WWOX: variants seen among roughly 807,000 people sequenced by gnomAD.
The protein encoded by WWOX is WW domain containing oxidoreductase.
A neutral mutation model predicts 46.2 loss-of-function variants in WWOX; 69 were observed. That is an observed-to-expected ratio of 1.49 (90% CI 1.23 to 1.82). The LOEUF is 1.82. WWOX is among the 40% of genes most tolerant of loss of function. WWOX has a pLI of 0.00. For missense variants in WWOX, 919 were observed against 542.6 expected (o/e 1.69, Z -6.89); for synonymous variants, 359 against 202.6 (o/e 1.77, Z -6.56).
chr16:78,797,721 G>C (rs7404119), intron 8 of WWOX, among the ~76,000 whole-genome samples: 143,194 of 152,306 alleles, frequency 0.94, 67,487 homozygotes, highest in Non-Finnish European at 0.98. Flanking sequence ...GGTGCGTTAG[G>C]TCATGCCTGT....
At chr16:78,912,565 G>A (rs1374548824) in intron 8 of WWOX, among the ~76,000 whole-genome samples, 1 of 151,950 alleles carries the variant, frequency 6.6e-6, no homozygotes, top group Non-Finnish European at 1.5e-5. Flanking sequence ...AAAACCAGCA[G>A]GGTTATATCC....
chr16:78,178,636 C>T lies in WWOX; in HGVS notation c.516+14347C>T, dbSNP rs1014436782. Among the ~76,000 whole-genome samples, 6 of 152,238 alleles carry T rather than the reference C, an allele frequency of 3.9e-5. No individual in the cohort carries two copies. In the East Asian group the frequency reaches 5.8e-4, roughly 15 times the overall value. ...ATCCCAGCACTTTGGGAGGCCGAGG[C>T]GGGTGGATCACTTGAGGTTAGGAGT... On this transcript the variant is annotated intron_variant, in intron 5 of 8. Transcript: ENST00000566780.
Position 79,212,156 on chromosome 16 carries a change from TACCACCACGGCC to T in WWOX, c.*366_*377del. On this transcript the variant is annotated 3_prime_UTR_variant, in exon 9 of 9. Coordinates refer to ENST00000566780, the MANE Select transcript of WWOX (RefSeq NM_016373.4). ...CTGAGGTCCCCTCGTCCCATCCAGC[TACCACCACGGCC>T]ACCACTGCAGCCGGGGGCTGGCCTT... The T allele has an allele frequency of 2.0e-6, 3 of 1,504,358 alleles. No individual in the cohort carries two copies. Among genetic ancestry groups the T allele is most frequent in the Non-Finnish European group, 2.7e-6 (3 of 1,131,488 alleles). 93.2% of individuals were successfully genotyped at this position (1,504,358 alleles called of 1,614,324 possible).
intron 8 of WWOX, among the ~76,000 whole-genome samples, chr16:79,089,344 T>G (rs1215017608): frequency 5.9e-5 from 9 of 151,772 alleles, no homozygotes. Flanking sequence ...TTTTTTTTTT[T>G]TTTTTGAGGC....
chr16:79,197,572 T>C (rs572048814), intron 8 of WWOX, among the ~76,000 whole-genome samples: 1 of 152,306 alleles, frequency 6.6e-6, no homozygotes, highest in East Asian at 1.9e-4. Flanking sequence ...CATGGGAAAG[T>C]AAATTTAATT....
At chr16:78,941,954 C>T (rs903939977) in intron 8 of WWOX, among the ~76,000 whole-genome samples, 2 of 151,870 alleles carry the variant, frequency 1.3e-5, no homozygotes, top group African/African-American at 2.4e-5. Context: ...TGCTGTATTC[C>T]GTAGGAAAAT....
chr16:78,885,694 A>T (rs1021907170), intron 8 of WWOX, among the ~76,000 whole-genome samples: 1 of 152,180 alleles, frequency 6.6e-6, no homozygotes, highest in Non-Finnish European at 1.5e-5. Context: ...CCATAGGGAT[A>T]ACTCAATACA....
chr16:78,555,223 G>C (rs796467488), intron 8 of WWOX, among the ~76,000 whole-genome samples: 12 of 149,488 alleles, frequency 8.0e-5, no homozygotes, highest in African/African-American at 2.9e-4. Flanking sequence ...TTGGAGGCAT[G>C]TGTATATTTC....
At chr16:78,141,853 C>A (rs908465398) in intron 4 of WWOX, among the ~76,000 whole-genome samples, 2 of 151,708 alleles carry the variant, frequency 1.3e-5, no homozygotes, top group Non-Finnish European at 2.9e-5. Context: ...AAATAACTGG[C>A]AGGTAATGGA....
intron 8 of WWOX, among the ~76,000 whole-genome samples, chr16:78,634,644 T>C (rs2151664922): frequency 6.6e-6 from 1 of 151,166 alleles, no homozygotes; most frequent in East Asian, 2.0e-4. Flanking sequence ...AGGCGGAGGT[T>C]GCAGTGAGCC....
intron 8 of WWOX, among the ~76,000 whole-genome samples, chr16:79,142,651 T>G (rs934209278): frequency 2.4e-4 from 36 of 152,194 alleles, no homozygotes; most frequent in African/African-American, 5.5e-4. Flanking sequence ...TCAAAACATT[T>G]TTTCAACGTT....
intron 8 of WWOX, among the ~76,000 whole-genome samples, chr16:79,116,702 C>A (rs75635734): frequency 0.013 from 2,044 of 152,138 alleles, 46 homozygotes; most frequent in African/African-American, 0.047. Context: ...CTCAGAGTCA[C>A]CCAAGAAGGT....
At chr16:78,492,181 C>T (rs1434358089) in intron 8 of WWOX, among the ~76,000 whole-genome samples, 1 of 152,102 alleles carries the variant, frequency 6.6e-6, no homozygotes, top group Non-Finnish European at 1.5e-5. Flanking sequence ...CAGATAGTTC[C>T]ATTAGGTGAC....
At chr16:78,955,356 T>C (rs866088595) in intron 8 of WWOX, among the ~76,000 whole-genome samples, 4 of 152,116 alleles carry the variant, frequency 2.6e-5, no homozygotes, top group African/African-American at 9.7e-5. Context: ...ATTGAGGAGA[T>C]GAGTCAGGTG....
At chr16:78,422,418 A>T (rs1421782993) in intron 6 of WWOX, among the ~76,000 whole-genome samples, 1 of 151,250 alleles carries the variant, frequency 6.6e-6, no homozygotes. Flanking sequence ...ATCATAGCTC[A>T]TTGCAGCCCT....
At chr16:78,652,706 A>G (rs1366345678) in intron 8 of WWOX, among the ~76,000 whole-genome samples, 2 of 152,174 alleles carry the variant, frequency 1.3e-5, no homozygotes, top group African/African-American at 4.8e-5. Flanking sequence ...AAAAGATGCC[A>G]AATTTGTTCT....
At chr16:78,889,250 T>G (rs2044535121) in intron 8 of WWOX, among the ~76,000 whole-genome samples, 2 of 152,166 alleles carry the variant, frequency 1.3e-5, no homozygotes, top group African/African-American at 4.8e-5. Flanking sequence ...CTCCACTCAT[T>G]CATTTATATA....
intron 8 of WWOX, among the ~76,000 whole-genome samples, chr16:78,829,608 CAT>C (rs1423020738): frequency 6.6e-6 from 1 of 152,080 alleles, no homozygotes; most frequent in Non-Finnish European, 1.5e-5. Context: ...GTCCAAGGCA[CAT>C]ATAGTCAATC....
chr16:78,871,280 T>C (rs923584561), intron 8 of WWOX, among the ~76,000 whole-genome samples: 5 of 152,212 alleles, frequency 3.3e-5, no homozygotes, highest in Admixed American at 6.5e-5. Context: ...CTTATTCTTA[T>C]AACCTGTATG....
Sources: allele counts gnomAD v4.1 joint callset (sites outside exome capture counted in the v4.1 genomes callset), GRCh38; gene constraint gnomAD v4.1.1; transcripts MANE v1.5; gene names NCBI Gene and HGNC (gene_info 2026-07-23, HGNC 2026-07-21).